Variants in ESRRB observed in about 807,000 individuals in gnomAD.
ESRRB encodes estrogen related receptor beta, also known as steroid hormone receptor ERR2.
A neutral mutation model predicts 46.0 loss-of-function variants in ESRRB; 16 were observed. The observed-to-expected ratio is 0.35, with a 90% CI of 0.24 to 0.53. The LOEUF (loss-of-function observed/expected upper bound fraction) is 0.53. Among genes scored for constraint, ESRRB ranks in the 20% least tolerant of loss-of-function variants. The pLI is 0.93. For synonymous variants in ESRRB, 246 were observed against 259.6 expected (o/e 0.95, Z 0.50); for missense variants, 488 against 607.4 (o/e 0.80, Z 2.07).
intron 3 of ESRRB, among the ~76,000 whole-genome samples, 199 bp downstream of exon 3, chr14:76,462,860 T>C (rs73320307): frequency 5.3e-4 from 81 of 152,168 alleles, no homozygotes; most frequent in African/African-American, 1.9e-3. Context: ...GAATTGGAAT[T>C]TCTTCATTAA....
chr14:76,364,414 C>A (rs1233554291), intron 1 of ESRRB, among the ~76,000 whole-genome samples: 1 of 152,074 alleles, frequency 6.6e-6, no homozygotes, highest in African/African-American at 2.4e-5. Context: ...AGGGGCCAGG[C>A]GCAGTGGCTC....
At chr14:76,390,415 G>A (rs1885420010) in intron 1 of ESRRB, among the ~76,000 whole-genome samples, 1 of 152,142 alleles carries the variant, frequency 6.6e-6, no homozygotes. Flanking sequence ...CTTGAACCCA[G>A]GAGGTGGAGA....
intron 6 of ESRRB, among the ~76,000 whole-genome samples, chr14:76,493,292 C>T (rs1012555701): frequency 1.3e-5 from 2 of 152,086 alleles, no homozygotes; most frequent in East Asian, 3.9e-4. Flanking sequence ...GTAGCTGGGA[C>T]TACATGCGTG....
chr14:76,330,869 G>A (rs1031297136), intron 1 of ESRRB, among the ~76,000 whole-genome samples: 1 of 152,136 alleles, frequency 6.6e-6, no homozygotes, highest in East Asian at 1.9e-4. Context: ...GGTGGGGCTG[G>A]CCACGGAAAA....
intron 1 of ESRRB, among the ~76,000 whole-genome samples, chr14:76,434,553 G>A (rs543495143): frequency 2.0e-5 from 3 of 151,892 alleles, no homozygotes; most frequent in African/African-American, 4.8e-5. Flanking sequence ...CCAGCCTCTC[G>A]GGAGGCTGAG....
chr14:76,431,476 A>C (rs1272769387), intron 1 of ESRRB, among the ~76,000 whole-genome samples: 1 of 152,150 alleles, frequency 6.6e-6, no homozygotes, highest in African/African-American at 2.4e-5. Context: ...CAGCAGAGCA[A>C]TGTCCAGCCA....
At chr14:76,359,809 G>A (rs1360453062) in intron 1 of ESRRB, among the ~76,000 whole-genome samples, 1 of 152,158 alleles carries the variant, frequency 6.6e-6, no homozygotes, top group Non-Finnish European at 1.5e-5. Flanking sequence ...AGGAAACAAA[G>A]TGAAGGAAAA....
intron 1 of ESRRB, among the ~76,000 whole-genome samples, chr14:76,384,253 C>T (rs1251585671): frequency 6.6e-6 from 1 of 152,130 alleles, no homozygotes; most frequent in Non-Finnish European, 1.5e-5. Flanking sequence ...AGAAAGAACA[C>T]TGCTTTTACA....
At chr14:76,408,591 C>CAAAAAAAAAAAAAAAAAAAAA (rs35955826) in intron 1 of ESRRB, among the ~76,000 whole-genome samples, 2 of 42,118 alleles carry the variant, frequency 4.7e-5, no homozygotes, top group African/African-American at 2.1e-4. Flanking sequence ...GACCCTGTCT[C>CAAAAAAAAAAAAAAAAAAAAA]AAAAAAAAAA....
chr14:76,326,242 T>TAAAG (rs1883928813), intron 1 of ESRRB, among the ~76,000 whole-genome samples: 1 of 151,564 alleles, frequency 6.6e-6, no homozygotes, highest in Non-Finnish European at 1.5e-5. Flanking sequence ...AAAAAAAAGG[T>TAAAG]AAAGAAAGAA....
At chr14:76,388,020 A>C (rs1339709828) in intron 1 of ESRRB, among the ~76,000 whole-genome samples, 1 of 152,162 alleles carries the variant, frequency 6.6e-6, no homozygotes, top group East Asian at 1.9e-4. Flanking sequence ...TCACAGGTAA[A>C]GAAACTGAGG....
chr14:76,465,742 C>G (rs1347984596), intron 3 of ESRRB, among the ~76,000 whole-genome samples: 1 of 152,214 alleles, frequency 6.6e-6, no homozygotes, highest in African/African-American at 2.4e-5. Flanking sequence ...AGGAGTTCTG[C>G]CTGAAGGAGG....
At chr14:76,416,989 T>C (rs1454249934) in intron 1 of ESRRB, among the ~76,000 whole-genome samples, 1 of 152,088 alleles carries the variant, frequency 6.6e-6, no homozygotes, top group African/African-American at 2.4e-5. Flanking sequence ...TATATGAAAT[T>C]AGCCGGGCAT....
chr14:76,378,739 T>C (rs1203342636), intron 1 of ESRRB, among the ~76,000 whole-genome samples: 1 of 151,976 alleles, frequency 6.6e-6, no homozygotes, highest in African/African-American at 2.4e-5. Flanking sequence ...CTTGTGGAGG[T>C]CTGGGGCTGG....
chr14:76,334,742 A>G (rs1269547219), intron 1 of ESRRB, among the ~76,000 whole-genome samples: 1 of 152,142 alleles, frequency 6.6e-6, no homozygotes, highest in African/African-American at 2.4e-5. Flanking sequence ...TGTGCTGTAC[A>G]AGCCATTTTC....
chr14:76,482,098 A>G lies in ESRRB; in HGVS notation c.660A>G (p.Leu220=), dbSNP rs1889828789. The change falls in exon 4 of 7, where the codon TTA becomes TTG. Residue 220 remains leucine, a synonymous_variant. Transcript: ENST00000644823. This position sits in a 1 kb window ranked among gnomAD's most constrained non-coding sequence, Gnocchi z 4.3. ...LDSESSPYLS[L]QISPPAKKPL... ...CAGAGAGCAGCCCATACCTGAGCTTACAAATTTCTCCACCTGCTAAAAAGC... is the reference window on the plus strand; with the variant it reads ...CAGAGAGCAGCCCATACCTGAGCTTGCAAATTTCTCCACCTGCTAAAAAGC... 1 of 1,614,102 alleles carries G rather than the reference A, an allele frequency of 6.2e-7. No homozygotes were observed.
chr14:76,328,920 T>C (rs1883969869), intron 1 of ESRRB, among the ~76,000 whole-genome samples: 1 of 152,154 alleles, frequency 6.6e-6, no homozygotes, highest in South Asian at 2.1e-4. Context: ...CCCCAAGAGC[T>C]GTGTGTGTTT....
At chr14:76,324,855 T>G (rs1391810035) in intron 1 of ESRRB, among the ~76,000 whole-genome samples, 1 of 152,170 alleles carries the variant, frequency 6.6e-6, no homozygotes, top group African/African-American at 2.4e-5. Context: ...ACAATTGCCT[T>G]CCTACAGGGA....
At chr14:76,367,931 C>T (rs559164759), upstream of ESRRB, among the ~76,000 whole-genome samples, 6 of 149,676 alleles carry the variant, frequency 4.0e-5, no homozygotes, top group Non-Finnish European at 8.9e-5. Context: ...GTCCTTTCCA[C>T]AACACCCTTC....
Sources: allele counts gnomAD v4.1 joint callset (sites outside exome capture counted in the v4.1 genomes callset), GRCh38; gene constraint gnomAD v4.1.1; non-coding constraint Gnocchi (gnomAD v3.1); transcripts MANE v1.5; gene names NCBI Gene and HGNC (gene_info 2026-07-23, HGNC 2026-07-21).